Variants in SNX8 observed in about 807,000 individuals in gnomAD.
The protein encoded by SNX8 is sorting nexin-8.
SNX8 carries 25 observed loss-of-function variants against 51.6 expected under a neutral mutation model. The ratio of observed to expected loss-of-function variants is 0.48; its 90% CI spans 0.35 to 0.68. The LOEUF is 0.68. Among genes scored for constraint, SNX8 ranks in the 30% least tolerant of loss-of-function variants. The pLI, the probability that SNX8 is intolerant of heterozygous loss-of-function variation, is 0.00. For synonymous variants in SNX8, 324 were observed against 277.0 expected (o/e 1.17, Z -1.68); for missense variants, 695 against 624.0 (o/e 1.11, Z -1.21).
At chr7:2,351,857 G>C (rs6970771) in intron 1 of SNX8, among the ~76,000 whole-genome samples, 2,522 of 145,210 alleles carry the variant, frequency 0.017, 74 homozygotes, top group African/African-American at 0.061. Context: ...AATAAATAAA[G>C]ATAATAATAA....
At chr7:2,322,021 C>A (rs1778528349) in intron 1 of SNX8, among the ~76,000 whole-genome samples, 1 of 152,192 alleles carries the variant, frequency 6.6e-6, no homozygotes. Flanking sequence ...CTGCGCCCGG[C>A]CTCGAATTTC....
At chr7:2,327,299 G>C (rs1288572426) in intron 1 of SNX8, among the ~76,000 whole-genome samples, 1 of 152,048 alleles carries the variant, frequency 6.6e-6, no homozygotes, top group Non-Finnish European at 1.5e-5. Context: ...GAGTGCTGTG[G>C]TGCAATCTCG....
At position 2,278,118 on chromosome 7, in the gene SNX8, C is replaced by T. The variant is rs770674734; in HGVS notation, c.282G>A (p.Glu94=). The T allele has an allele frequency of 1.2e-6, 2 of 1,614,002 alleles. No homozygotes were observed. The highest frequency in any genetic ancestry group is 1.7e-6 in the Non-Finnish European group (2 of 1,179,904). The stretch of plus-strand genomic sequence containing the variant: ...CAGTTACCTGGCTGGAAACCTCATA[C>T]TCCACATGCTTCAGGAAGAGGCCCT... ...EKKGLFLKHV[E]YEVSSQRFKS... The change falls in exon 2 of 11, where the codon GAG becomes GAA. Residue 94 remains glutamate (E), a synonymous_variant. Transcript: ENST00000222990.
chr7:2,321,355 G>A (rs182668036), intron 1 of SNX8, among the ~76,000 whole-genome samples: 5 of 152,248 alleles, frequency 3.3e-5, no homozygotes, highest in Admixed American at 1.3e-4. Context: ...CGACACGTCT[G>A]CCTTCAGCAG....
chr7:2,340,585 G>A (rs892711784), intron 1 of SNX8, among the ~76,000 whole-genome samples: 5 of 151,410 alleles, frequency 3.3e-5, no homozygotes, highest in East Asian at 2.0e-4. Flanking sequence ...GGCCAGGTGC[G>A]GTGGCTCACG....
In SNX8 at chr7:2,257,418, C is replaced by A; in HGVS notation, c.1081G>T (p.Ala361Ser). 1 of 1,610,726 alleles carries A rather than the reference C, an allele frequency of 6.2e-7. No homozygotes were observed. Among genetic ancestry groups the A allele is most frequent in the Non-Finnish European group, 8.5e-7 (1 of 1,179,482 alleles). Reference protein sequence around the residue: ...LMKRQMMSATAQNREPESVEQ... With the variant: ...LMKRQMMSATSQNREPESVEQ... ...ACGGACTCCGGCTCGCGGTTCTGCGCGGTGGCGCTCATCATCTGCCTCTTC... is the reference window on the plus strand; with the variant it reads ...ACGGACTCCGGCTCGCGGTTCTGCGAGGTGGCGCTCATCATCTGCCTCTTC... The change falls in exon 9 of 11, where the codon GCG (alanine) becomes TCG (serine). Residue 361 changes from alanine to serine, a missense_variant. Ala to Ser is a moderately conservative substitution (Grantham distance 99). Coordinates refer to ENST00000222990, the MANE Select transcript of SNX8 (RefSeq NM_013321.4).
intron 10 of SNX8, among the ~76,000 whole-genome samples, chr7:2,256,587 C>T (rs906389911): frequency 2.6e-5 from 4 of 152,220 alleles, no homozygotes; most frequent in Non-Finnish European, 5.9e-5. Context: ...GGGAGCTCTG[C>T]GGGCTTTACC....
At chr7:2,317,534 T>G (rs1198518803), upstream of SNX8, among the ~76,000 whole-genome samples, 1 of 151,664 alleles carries the variant, frequency 6.6e-6, no homozygotes, top group Non-Finnish European at 1.5e-5. Flanking sequence ...ACCTTGGCCT[T>G]CCAAAGTGCT....
chr7:2,300,588 T>C (rs1421139864), intron 1 of SNX8, among the ~76,000 whole-genome samples: 1 of 151,964 alleles, frequency 6.6e-6, no homozygotes, highest in African/African-American at 2.4e-5. Context: ...AATTTTTTCA[T>C]TTTTTTGTAG....
intron 1 of SNX8, among the ~76,000 whole-genome samples, chr7:2,283,074 T>C (rs1795944605): frequency 2.0e-5 from 3 of 150,118 alleles, no homozygotes; most frequent in Admixed American, 2.0e-4. Context: ...TGAGCAGAGA[T>C]CGCGCCACTG....
At chr7:2,315,596 C>A (rs1318988989), upstream of SNX8, among the ~76,000 whole-genome samples, 3 of 146,620 alleles carry the variant, frequency 2.0e-5, no homozygotes, top group Non-Finnish European at 4.5e-5. Flanking sequence ...TTCATCCATT[C>A]ACTCACTCAC....
At position 2,253,799 on chromosome 7, in the gene SNX8, C is replaced by T. The variant is rs539745767; in HGVS notation, c.*1257G>A. On this transcript the variant is annotated 3_prime_UTR_variant, in exon 11 of 11. Transcript: ENST00000222990. ...GCCGTGAGCTGCCCGTAGGTACAGGCGGAAGGGAAGCACCCTCCGTGAGAG... is the reference window on the plus strand; with the variant it reads ...GCCGTGAGCTGCCCGTAGGTACAGGTGGAAGGGAAGCACCCTCCGTGAGAG... 3.3e-5 allele frequency: 5 copies of T among 152,332 alleles called. No homozygotes were observed. The highest frequency in any genetic ancestry group is 1.9e-4 in the East Asian group (1 of 5,176). The allele number at this position is 152,332 out of a possible 1,614,324, so 9.4% of individuals were successfully genotyped here.
chr7:2,299,072 C>G (rs555572375), intron 1 of SNX8, among the ~76,000 whole-genome samples: 1 of 152,152 alleles, frequency 6.6e-6, no homozygotes, highest in East Asian at 1.9e-4. Flanking sequence ...AGCTGCTGAC[C>G]AGGGTCAGGG....
chr7:2,328,910 C>T (rs1237915446), intron 1 of SNX8, among the ~76,000 whole-genome samples: 1 of 151,978 alleles, frequency 6.6e-6, no homozygotes, highest in Non-Finnish European at 1.5e-5. Flanking sequence ...ATGGTGAAAC[C>T]CCGTCTCTAC....
intron 1 of SNX8, among the ~76,000 whole-genome samples, chr7:2,284,006 G>A (rs539508489): frequency 6.6e-6 from 1 of 152,098 alleles, no homozygotes; most frequent in East Asian, 1.9e-4. Flanking sequence ...TGTTGACCAG[G>A]CTTGTCCTGA....
At chr7:2,255,763 CAAA>C (rs1795162232) in intron 10 of SNX8, among the ~76,000 whole-genome samples, 1 of 152,228 alleles carries the variant, frequency 6.6e-6, no homozygotes, top group Non-Finnish European at 1.5e-5. Context: ...CAATAATACC[CAAA>C]CCGGAATGCA....
At chr7:2,323,754 C>T (rs532798106) in intron 1 of SNX8, among the ~76,000 whole-genome samples, 1 of 152,334 alleles carries the variant, frequency 6.6e-6, no homozygotes, top group Admixed American at 6.5e-5. Context: ...CAGCACCAAA[C>T]ACTAACCACG....
intron 1 of SNX8, among the ~76,000 whole-genome samples, chr7:2,320,218 G>T (rs1409253330): frequency 6.6e-6 from 1 of 151,874 alleles, no homozygotes; most frequent in African/African-American, 2.4e-5. Flanking sequence ...AGCCGGGCAT[G>T]GTGTCATATG....
At chr7:2,288,725 TTTGCC>T (rs2115162115) in intron 1 of SNX8, among the ~76,000 whole-genome samples, 1 of 152,142 alleles carries the variant, frequency 6.6e-6, no homozygotes, top group African/African-American at 2.4e-5. Flanking sequence ...TTTTTGGGGG[TTTGCC>T]TGTTTTGGGG....
Sources: gnomAD v4.1 joint callset for allele counts (sites outside exome capture counted in the v4.1 genomes callset) on GRCh38, gnomAD v4.1.1 for gene constraint, MANE v1.5 for transcripts, NCBI Gene and HGNC (gene_info 2026-07-23, HGNC 2026-07-21) for gene names.